Variants in SEZ6L observed in about 807,000 individuals in gnomAD.
SEZ6L encodes seizure related 6 homolog like, also known as seizure 6-like protein.
SEZ6L carries 37 observed loss-of-function variants against 106.2 expected under a neutral mutation model. The ratio of observed to expected loss-of-function variants is 0.35; its 90% CI spans 0.27 to 0.46. The LOEUF is 0.46. Among genes scored for constraint, SEZ6L ranks in the 20% least tolerant of loss-of-function variants. The pLI is 1.00. For synonymous variants in SEZ6L, 541 were observed against 570.4 expected (o/e 0.95, Z 0.73); for missense variants, 1,172 against 1,332.8 (o/e 0.88, Z 1.88).
intron 1 of SEZ6L, among the ~76,000 whole-genome samples, chr22:26,261,723 CA>C (rs2080012730): frequency 6.6e-6 from 1 of 152,074 alleles, no homozygotes; most frequent in African/African-American, 2.4e-5. Flanking sequence ...TGTAAAAAGA[CA>C]AAATTGGCCA....
chr22:26,226,268 A>G (rs763027455), intron 1 of SEZ6L, among the ~76,000 whole-genome samples: 10 of 152,220 alleles, frequency 6.6e-5, no homozygotes, highest in Non-Finnish European at 1.2e-4. Flanking sequence ...TGCTTTCAGA[A>G]TAAAGACCAA....
chr22:26,331,847 G>A (rs1439041081), intron 9 of SEZ6L, among the ~76,000 whole-genome samples: 2 of 152,086 alleles, frequency 1.3e-5, no homozygotes, highest in African/African-American at 4.8e-5. Context: ...GCCAGGCATG[G>A]TGGCACGTGC....
At chr22:26,296,046 A>G in intron 3 of SEZ6L, among the ~76,000 whole-genome samples, 1 of 152,178 alleles carries the variant, frequency 6.6e-6, no homozygotes, top group East Asian at 1.9e-4. Flanking sequence ...GAGGCAGAGA[A>G]ACTAAAGTTC....
chr22:26,281,536 G>A (rs1320908635), intron 1 of SEZ6L, among the ~76,000 whole-genome samples: 1 of 149,124 alleles, frequency 6.7e-6, no homozygotes, highest in African/African-American at 2.5e-5. Flanking sequence ...CACCATGGCC[G>A]GCTACTTTTT....
chr22:26,224,939 G>A (rs1247188797), intron 1 of SEZ6L, among the ~76,000 whole-genome samples: 1 of 151,992 alleles, frequency 6.6e-6, no homozygotes, highest in Non-Finnish European at 1.5e-5. Flanking sequence ...TAGAAAATCT[G>A]TTTTAGATGT....
rs1569463232 is a variant in SEZ6L at position 26,324,103 on chromosome 22, A to AC, written c.2015+10201_2015+10202insC. ...ACACACACACACACACACACACACAAACACACACACACACACAAACGGTAG... is the reference window on the plus strand; with the variant it reads ...ACACACACACACACACACACACACAACACACACACACACACACAAACGGTAG... On this transcript the variant is annotated intron_variant, in intron 9 of 16. Transcript: ENST00000248933. 1.8e-3 allele frequency among the ~76,000 whole-genome samples: 146 copies of AC among 83,374 alleles called. 2 individuals are homozygous for AC. Among genetic ancestry groups the AC allele is most frequent in the Non-Finnish European group, 2.4e-3 (101 of 41,292 alleles). 54.7% of individuals were successfully genotyped at this position (83,374 alleles called of 152,430 possible).
intron 1 of SEZ6L, among the ~76,000 whole-genome samples, chr22:26,244,155 C>A (rs879789817): frequency 7.8e-6 from 1 of 127,858 alleles, no homozygotes; most frequent in Non-Finnish European, 1.6e-5. Flanking sequence ...AAAGTGAGAC[C>A]CTATCTCAAA....
intron 15 of SEZ6L, 101 bp downstream of exon 15, chr22:26,375,790 G>C: frequency 1.3e-6 from 1 of 781,056 alleles, no homozygotes; most frequent in East Asian, 2.7e-5. Context: ...TCCACCTGGA[G>C]CTCGGGCATA....
chr22:26,313,631 G>A (rs558768893), intron 8 of SEZ6L, 133 bp from the exon 9 acceptor site: 17 of 940,346 alleles, frequency 1.8e-5, no homozygotes, highest in South Asian at 6.6e-5. Flanking sequence ...CTGGCTGCCC[G>A]AGGTGAAGAC....
chr22:26,255,095 A>G (rs1484950719), intron 1 of SEZ6L, among the ~76,000 whole-genome samples: 1 of 152,210 alleles, frequency 6.6e-6, no homozygotes, highest in African/African-American at 2.4e-5. Flanking sequence ...AAACCACTTT[A>G]TTGAGGTGTA....
chr22:26,266,988 G>T (rs1295238833), intron 1 of SEZ6L, among the ~76,000 whole-genome samples: 1 of 152,156 alleles, frequency 6.6e-6, no homozygotes, highest in Admixed American at 6.5e-5. Context: ...ATGAATAAAG[G>T]CTCATCTTCA....
At chr22:26,347,955 C>A (rs774900482) in intron 11 of SEZ6L, 42 bp downstream of exon 11, 2 of 1,484,478 alleles carry the variant, frequency 1.3e-6, no homozygotes, top group African/African-American at 1.4e-5. Flanking sequence ...CCCTGGGTGG[C>A]AAATCCCTTC....
chr22:26,189,015 C>T (rs1939998173), intron 1 of SEZ6L, among the ~76,000 whole-genome samples: 1 of 152,128 alleles, frequency 6.6e-6, no homozygotes, highest in South Asian at 2.1e-4. Flanking sequence ...TTTTCCGTTA[C>T]CTTACTTTGC....
chr22:26,212,307 T>C (rs2078184382), intron 1 of SEZ6L, among the ~76,000 whole-genome samples: 1 of 152,242 alleles, frequency 6.6e-6, no homozygotes, highest in Admixed American at 6.5e-5. Context: ...ACTCCATTTT[T>C]ATCTTCTTTC....
intron 1 of SEZ6L, among the ~76,000 whole-genome samples, chr22:26,225,267 A>G (rs1333788602): frequency 5.9e-5 from 9 of 152,234 alleles, no homozygotes; most frequent in African/African-American, 2.2e-4. Context: ...ATCACTGGTC[A>G]GGAAGCCAAC....
chr22:26,198,617 C>A (rs1314823883), intron 1 of SEZ6L, among the ~76,000 whole-genome samples: 14 of 152,224 alleles, frequency 9.2e-5, no homozygotes, highest in Admixed American at 9.2e-4. Flanking sequence ...CTGGTGAGGG[C>A]TGTTCTCTGC....
intron 1 of SEZ6L, among the ~76,000 whole-genome samples, chr22:26,191,976 C>CTCCA (rs55983247): frequency 0.23 from 34,989 of 149,890 alleles, 4,294 homozygotes; most frequent in East Asian, 0.36. Context: ...AAGCAAGTCA[C>CTCCA]TCCATCCATC....
intron 10 of SEZ6L, among the ~76,000 whole-genome samples, chr22:26,346,764 T>C (rs979289728): frequency 7.2e-5 from 11 of 152,186 alleles, no homozygotes; most frequent in Admixed American, 5.9e-4. Flanking sequence ...CCTCACAATA[T>C]GGCAGCTGCT....
intron 9 of SEZ6L, among the ~76,000 whole-genome samples, 193 bp downstream of exon 9, chr22:26,314,095 C>CACAG (rs1491457169): frequency 1.2e-3 from 170 of 136,318 alleles, no homozygotes; most frequent in South Asian, 9.2e-3. Context: ...CACACACACA[C>CACAG]AGAGAGAGAG....
Sources: allele counts gnomAD v4.1 joint callset (sites outside exome capture counted in the v4.1 genomes callset), GRCh38; gene constraint gnomAD v4.1.1; transcripts MANE v1.5; gene names NCBI Gene and HGNC (gene_info 2026-07-23, HGNC 2026-07-21).